PCDH15: variants seen among roughly 807,000 people sequenced by gnomAD.
PCDH15 encodes the protein protocadherin-15.
A neutral mutation model predicts 178.5 loss-of-function variants in PCDH15; 129 were observed. The observed-to-expected ratio is 0.72, with a 90% CI of 0.63 to 0.84. The LOEUF (loss-of-function observed/expected upper bound fraction) is 0.84, where lower values mean the gene tolerates loss of function less well. Ranked by LOEUF, PCDH15 falls within the 40% of genes least tolerant of loss-of-function variation. The pLI, the probability that PCDH15 is intolerant of heterozygous loss-of-function variation, is 0.00. For synonymous variants in PCDH15, 800 were observed against 732.0 expected, an observed-to-expected ratio of 1.09 and a Z score of -1.50; for missense variants, 2,230 against 2,099.9, an observed-to-expected ratio of 1.06 and a Z score of -1.21.
intron 2 of PCDH15, among the ~76,000 whole-genome samples, chr10:54,999,302 G>T (rs1018755474): frequency 1.4e-5 from 1 of 72,002 alleles, no homozygotes; most frequent in Non-Finnish European, 3.0e-5. Context: ...AATAAATAAA[G>T]AAAATTTTTT....
chr10:54,294,446 T>A (rs1403101868), intron 8 of PCDH15, among the ~76,000 whole-genome samples: 1 of 152,160 alleles, frequency 6.6e-6, no homozygotes, highest in Non-Finnish European at 1.5e-5. Flanking sequence ...ACATGTACCC[T>A]AGAACTTAAA....
At position 54,317,025 on chromosome 10, in the gene PCDH15, A is replaced by T. The variant is rs146200572; in HGVS notation, c.876+246T>A. ...TTCCTTGGTGATTTATTGGTAAAAA[A>T]ATAAAATAAAATAACCATGTTGGAC... On this transcript the variant is annotated intron_variant, in intron 8 of 37. Coordinates refer to ENST00000644397, the MANE Select transcript of PCDH15 (RefSeq NM_001384140.1). Among the ~76,000 whole-genome samples the T allele has an allele frequency of 3.4e-3, 523 of 152,284 alleles. 3 individuals are homozygous for T. The highest frequency in any genetic ancestry group is 0.012 in the African/African-American group (499 of 41,562).
intron 2 of PCDH15, among the ~76,000 whole-genome samples, chr10:55,530,519 C>T (rs561441957): frequency 6.6e-6 from 1 of 152,042 alleles, no homozygotes; most frequent in Non-Finnish European, 1.5e-5. Flanking sequence ...CTTTGCTCAG[C>T]TATGTTCTTT....
chr10:55,549,331 CAT>C (rs531943027), intron 2 of PCDH15, among the ~76,000 whole-genome samples: 57 of 152,222 alleles, frequency 3.7e-4, no homozygotes, highest in Admixed American at 1.3e-3. Flanking sequence ...GCCCGTTACA[CAT>C]GTTAAAATTA....
intron 35 of PCDH15, 83 bp from the exon 36 acceptor site, chr10:53,811,702 T>C: frequency 1.3e-6 from 1 of 747,946 alleles, no homozygotes; most frequent in South Asian, 2.4e-5. Context: ...CACCTAGAAT[T>C]CCATGATTCT....
chr10:53,928,094 A>G (rs1440843548), intron 25 of PCDH15, among the ~76,000 whole-genome samples: 3 of 152,102 alleles, frequency 2.0e-5, no homozygotes, highest in African/African-American at 7.2e-5. Context: ...AAGCAGTTAC[A>G]TAGGATATGC....
At chr10:54,835,849 A>C (rs190694542) in intron 3 of PCDH15, among the ~76,000 whole-genome samples, 7 of 152,316 alleles carry the variant, frequency 4.6e-5, no homozygotes, top group Non-Finnish European at 8.8e-5. Context: ...TGATGAAATA[A>C]ACTGTCACTT....
intron 2 of PCDH15, among the ~76,000 whole-genome samples, chr10:55,541,845 T>A (rs1028142891): frequency 6.6e-6 from 1 of 151,906 alleles, no homozygotes; most frequent in Non-Finnish European, 1.5e-5. Context: ...TAGGATTATA[T>A]TATAGCCACC....
chr10:55,307,040 G>A lies in PCDH15; in HGVS notation c.-156+12559C>T, dbSNP rs115504072. On this transcript the variant is annotated intron_variant, in intron 1 of 5. Transcript: ENST00000458638. ...CATTAAGCTTCCTAAAGGAATAATT[G>A]TAATAATGCTATCATTATGTCTTCT... Among the ~76,000 whole-genome samples, 456 of 151,726 alleles carry A rather than the reference G, an allele frequency of 3.0e-3. 1 individual carries two copies. Among genetic ancestry groups the A allele is most frequent in the African/African-American group, 0.01 (424 of 41,410 alleles).
intron 2 of PCDH15, among the ~76,000 whole-genome samples, chr10:54,591,767 T>C (rs1163806835): frequency 6.6e-6 from 1 of 152,208 alleles, no homozygotes; most frequent in Non-Finnish European, 1.5e-5. Flanking sequence ...TTGGGAAATT[T>C]GAATTATTTC....
At chr10:54,425,101 T>C (rs1481745311) in intron 3 of PCDH15, among the ~76,000 whole-genome samples, 3 of 151,920 alleles carry the variant, frequency 2.0e-5, no homozygotes, top group Non-Finnish European at 2.9e-5. Flanking sequence ...TAAACATCCA[T>C]GCATAGAATT....
chr10:54,727,873 G>T (rs1378272969), intron 1 of PCDH15, among the ~76,000 whole-genome samples: 1 of 151,410 alleles, frequency 6.6e-6, no homozygotes, highest in African/African-American at 2.4e-5. Flanking sequence ...AACCTCCTAA[G>T]ATTGAACCAG....
At chr10:54,968,915 T>G (rs1838863482) in intron 2 of PCDH15, among the ~76,000 whole-genome samples, 1 of 152,168 alleles carries the variant, frequency 6.6e-6, no homozygotes, top group Admixed American at 6.6e-5. Context: ...CTGTTAATCC[T>G]ATCCAGTATA....
intron 2 of PCDH15, among the ~76,000 whole-genome samples, chr10:55,046,864 T>C (rs1041332039): frequency 2.6e-5 from 4 of 152,018 alleles, no homozygotes; most frequent in African/African-American, 9.7e-5. Context: ...CCCAGACTCT[T>C]ATATGACTAG....
chr10:54,613,101 TATTTTACAATGCCC>T (rs1290903507), intron 2 of PCDH15, among the ~76,000 whole-genome samples: 1 of 151,850 alleles, frequency 6.6e-6, no homozygotes, highest in East Asian at 1.9e-4. Context: ...ACAATATTTA[TATTTTACAATGCCC>T]ATTTTAGGGA....
intron 17 of PCDH15, among the ~76,000 whole-genome samples, chr10:54,069,504 A>G (rs948766583): frequency 1.3e-5 from 2 of 152,220 alleles, no homozygotes; most frequent in Admixed American, 1.3e-4. Flanking sequence ...CATGAAAAAA[A>G]TCCATGTCTT....
chr10:55,173,216 G>A (rs1235942390), intron 1 of PCDH15, among the ~76,000 whole-genome samples: 4 of 151,070 alleles, frequency 2.6e-5, no homozygotes, highest in Non-Finnish European at 5.9e-5. Flanking sequence ...ATTTAAATTG[G>A]CAAAGGTCCA....
At position 55,311,234 on chromosome 10, in the gene PCDH15, C is replaced by T. The variant is rs573112940; in HGVS notation, c.-156+8365G>A. Among the ~76,000 whole-genome samples the T allele has an allele frequency of 2.8e-4, 43 of 152,224 alleles. No individual in the cohort carries two copies. In the South Asian group the frequency reaches 8.7e-3, roughly 31 times the overall value. The stretch of plus-strand genomic sequence containing the variant: ...GTAATGCATGCTAAAGTCTACTTTG[C>T]TTTTAAAATTTTCAGATGGGACAGC... On this transcript the variant is annotated intron_variant, in intron 1 of 5. Transcript: ENST00000458638.
Position 54,565,511 on chromosome 10 carries a change from TA to T in PCDH15, c.92-37635del, listed in dbSNP as rs200475292. ...AGGTTGAAACTTTTTAAGTAGAAAC[TA>T]GATATCAACAGGGCTGCCTAGGGTA... On this transcript the variant is annotated intron_variant, in intron 2 of 37. Transcript: ENST00000644397. Among the ~76,000 whole-genome samples the T allele has an allele frequency of 5.0e-3, 757 of 152,288 alleles. 7 individuals are homozygous for T. Among genetic ancestry groups the T allele is most frequent in the African/African-American group, 0.017 (727 of 41,552 alleles).
Sources: allele counts gnomAD v4.1 joint callset (sites outside exome capture counted in the v4.1 genomes callset), GRCh38; gene constraint gnomAD v4.1.1; transcripts MANE v1.5; gene names NCBI Gene and HGNC (gene_info 2026-07-23, HGNC 2026-07-21).